Variants in CREB5 observed in about 807,000 individuals in gnomAD.
CREB5 encodes cAMP responsive element binding protein 5.
In CREB5, 19 loss-of-function variants were observed where a neutral mutation model predicts 57.1. The observed-to-expected ratio is 0.33, with a 90% CI of 0.23 to 0.49. CREB5 has a LOEUF of 0.49. Among genes scored for constraint, CREB5 ranks in the 20% least tolerant of loss-of-function variants. CREB5 has a pLI of 0.99. For synonymous variants in CREB5, 238 were observed against 238.3 expected (o/e 1.00, Z 0.01); for missense variants, 579 against 671.6 (o/e 0.86, Z 1.52).
intron 1 of CREB5, among the ~76,000 whole-genome samples, chr7:28,449,711 TG>T (rs1398303361): frequency 6.6e-6 from 1 of 152,222 alleles, no homozygotes; most frequent in Non-Finnish European, 1.5e-5. Context: ...GATCCTTCTC[TG>T]GGGGACCTGA....
At chr7:28,627,423 C>A (rs540111164) in intron 5 of CREB5, among the ~76,000 whole-genome samples, 8 of 152,322 alleles carry the variant, frequency 5.3e-5, no homozygotes, top group South Asian at 2.1e-4. Flanking sequence ...TTGGGCCCAT[C>A]CCCAGAAGGT....
intron 7 of CREB5, among the ~76,000 whole-genome samples, chr7:28,732,409 C>T (rs968719502): frequency 6.6e-6 from 1 of 152,074 alleles, no homozygotes; most frequent in Non-Finnish European, 1.5e-5. Flanking sequence ...AAAAAAACTG[C>T]ATATGGTTTG....
intron 5 of CREB5, among the ~76,000 whole-genome samples, chr7:28,703,845 T>C (rs757224787): frequency 1.3e-5 from 2 of 152,178 alleles, no homozygotes; most frequent in Non-Finnish European, 2.9e-5. Context: ...TCAGAAATAA[T>C]GTTTAACCAG....
At chr7:28,514,384 T>G (rs923474645) in intron 4 of CREB5, among the ~76,000 whole-genome samples, 1 of 151,930 alleles carries the variant, frequency 6.6e-6, no homozygotes, top group African/African-American at 2.4e-5. Flanking sequence ...ATCACAGGTT[T>G]TATTTGTTTT....
At position 28,819,228 on chromosome 7, in the gene CREB5, C is replaced by T; in HGVS notation, c.1476C>T (p.Ser492=). The T allele has an allele frequency of 6.2e-7, 1 of 1,613,870 alleles. No individual in the cohort carries two copies. The highest frequency in any genetic ancestry group is 8.5e-7 in the Non-Finnish European group (1 of 1,179,872). The change falls in exon 11 of 11, where the codon TCC becomes TCT. Residue 492 remains serine, a synonymous_variant. Transcript: ENST00000357727. ...SSSVSEVVGS[S]TLSQLTTHRT... ...CGGTCAGCGAGGTGGTAGGAAGCTCCACCCTCAGCCAGCTCACCACTCACA... is the reference window on the plus strand; with the variant it reads ...CGGTCAGCGAGGTGGTAGGAAGCTCTACCCTCAGCCAGCTCACCACTCACA...
At chr7:28,482,235 C>T (rs1791362703) in intron 1 of CREB5, among the ~76,000 whole-genome samples, 1 of 152,218 alleles carries the variant, frequency 6.6e-6, no homozygotes, top group Admixed American at 6.5e-5. Flanking sequence ...CAGCTAGCCA[C>T]ATGTGGGGAT....
intron 5 of CREB5, among the ~76,000 whole-genome samples, chr7:28,712,881 A>G (rs1445731166): frequency 6.6e-6 from 1 of 152,028 alleles, no homozygotes; most frequent in African/African-American, 2.4e-5. Context: ...TGAGTAAATA[A>G]GCATTTTGCA....
At chr7:28,325,763 A>G (rs1453970447) in intron 1 of CREB5, among the ~76,000 whole-genome samples, 1 of 152,180 alleles carries the variant, frequency 6.6e-6, no homozygotes, top group African/African-American at 2.4e-5. Context: ...TCTCACTCAG[A>G]TGCTGACTTA....
Position 28,642,987 on chromosome 7 carries a change from TACAC to T in CREB5, c.464+72493_464+72496del, listed in dbSNP as rs1179446048. On this transcript the variant is annotated intron_variant, in intron 5 of 10. Coordinates refer to ENST00000357727, the MANE Select transcript of CREB5 (RefSeq NM_182898.4). ...ACACACACACACACACACACACACA[TACAC>T]ACACACACACACACACACACACACA... is the stretch of plus-strand genomic sequence containing the variant. 5.6e-3 allele frequency among the ~76,000 whole-genome samples: 547 copies of T among 98,280 alleles called. 3 individuals are homozygous for T. Among genetic ancestry groups the T allele is most frequent in the East Asian group, 0.011 (26 of 2,378 alleles). 64.5% of individuals were successfully genotyped at this position (98,280 alleles called of 152,430 possible). A position where few individuals can be genotyped will look rare whatever the true frequency, so the allele number is the denominator to read the frequency against.
chr7:28,728,466 G>A (rs1428664238), intron 7 of CREB5, among the ~76,000 whole-genome samples: 1 of 152,228 alleles, frequency 6.6e-6, no homozygotes, highest in Non-Finnish European at 1.5e-5. Flanking sequence ...ACATAAAAAT[G>A]GGAGACAAGG....
chr7:28,541,662 AAAAC>A (rs148596840), intron 4 of CREB5, among the ~76,000 whole-genome samples: 2,230 of 152,282 alleles, frequency 0.015, 17 homozygotes, highest in African/African-American at 0.024. Flanking sequence ...CCCATCACAA[AAAAC>A]AAACAAACAA....
At chr7:28,743,262 G>A (rs1190842310) in intron 7 of CREB5, among the ~76,000 whole-genome samples, 2 of 152,224 alleles carry the variant, frequency 1.3e-5, no homozygotes, top group Non-Finnish European at 2.9e-5. Context: ...TCCGACTGCA[G>A]TGGCTCACGC....
chr7:28,535,413 A>G lies in CREB5; in HGVS notation c.291+27676A>G, dbSNP rs1463503605. 1.5e-4 allele frequency among the ~76,000 whole-genome samples: 20 copies of G among 137,888 alleles called. 4 individuals carry two copies. Among genetic ancestry groups the G allele is most frequent in the Non-Finnish European group, 2.8e-4 (17 of 61,698 alleles). 90.5% of individuals were successfully genotyped at this position (137,888 alleles called of 152,430 possible). A position where few individuals can be genotyped will look rare whatever the true frequency, so the allele number is the denominator to read the frequency against. On this transcript the variant is annotated intron_variant, in intron 4 of 10. Transcript: ENST00000357727. The stretch of plus-strand genomic sequence containing the variant: ...AGGAGGGAAGGAAAGAAGGAAGAAG[A>G]GAGGGAGGCAGGGAAGGAAGGAGAG...
Position 28,748,623 on chromosome 7 carries a change from A to C in CREB5, c.702+24291A>C, listed in dbSNP as rs73306989. Among the ~76,000 whole-genome samples the C allele has an allele frequency of 8.1e-3, 1,230 of 152,340 alleles. 20 individuals carry two copies. The highest frequency in any genetic ancestry group is 0.028 in the African/African-American group (1,174 of 41,576). On this transcript the variant is annotated intron_variant, in intron 7 of 10. Transcript: ENST00000357727. The stretch of plus-strand genomic sequence containing the variant: ...CTTCATCCTTGAGAAGAGAGACTTC[A>C]GTATCTGTGGAACAAGTGAAGCTAG...
intron 4 of CREB5, among the ~76,000 whole-genome samples, chr7:28,563,936 T>C (rs1262778586): frequency 6.6e-6 from 1 of 152,202 alleles, no homozygotes; most frequent in Non-Finnish European, 1.5e-5. Context: ...CCCTTGGTCA[T>C]GGGGCAGCCT....
chr7:28,342,155 T>C (rs1217962035), intron 1 of CREB5, among the ~76,000 whole-genome samples: 1 of 152,222 alleles, frequency 6.6e-6, no homozygotes, highest in Non-Finnish European at 1.5e-5. Flanking sequence ...CTTCTCCATC[T>C]ATATCCATTG....
chr7:28,805,501 T>A (rs2128801730), intron 8 of CREB5, among the ~76,000 whole-genome samples: 1 of 152,236 alleles, frequency 6.6e-6, no homozygotes, highest in Non-Finnish European at 1.5e-5. Flanking sequence ...TTATTCACTG[T>A]CTCCTCTGTC....
chr7:28,302,668 G>A (rs1401587459), intron 1 of CREB5, among the ~76,000 whole-genome samples: 2 of 152,134 alleles, frequency 1.3e-5, no homozygotes, highest in African/African-American at 2.4e-5. Context: ...GGCCATGAAC[G>A]TCCTGCTCAG....
Position 28,527,791 on chromosome 7 carries a change from C to T in CREB5, c.291+20054C>T, listed in dbSNP as rs1034725833. ...TTTGATTGCATCATTGCACTCCAGC[C>T]TGCGTGACAGAGAGAGATCCTGTCT... On this transcript the variant is annotated intron_variant, in intron 4 of 10. Coordinates refer to ENST00000357727, the MANE Select transcript of CREB5 (RefSeq NM_182898.4). 2.6e-5 allele frequency among the ~76,000 whole-genome samples: 4 copies of T among 152,252 alleles called. No individual in the cohort carries two copies. In the Middle Eastern group the frequency reaches 0.014, roughly 518 times the overall value.
Sources: allele counts gnomAD v4.1 joint callset (sites outside exome capture counted in the v4.1 genomes callset), GRCh38; gene constraint gnomAD v4.1.1; transcripts MANE v1.5; gene names NCBI Gene and HGNC (gene_info 2026-07-23, HGNC 2026-07-21).